Variants in KIAA0319 observed in about 807,000 individuals in gnomAD.
The protein encoded by KIAA0319 is dyslexia-associated protein KIAA0319.
Under a neutral mutation model 108.4 loss-of-function variants are expected in KIAA0319, and 83 were observed. The ratio of observed to expected loss-of-function variants is 0.77; its 90% CI spans 0.64 to 0.92. The LOEUF (loss-of-function observed/expected upper bound fraction) is 0.92. KIAA0319 is among the 40% of genes least tolerant of loss of function. The pLI, the probability that KIAA0319 is intolerant of heterozygous loss-of-function variation, is 0.00. For missense variants in KIAA0319, 1,195 were observed against 1,322.4 expected (o/e 0.90, Z 1.49); for synonymous variants, 484 against 510.4 (o/e 0.95, Z 0.70).
chr6:24,598,769 G>A (rs1459323837), intron 2 of KIAA0319: 8 of 247,894 alleles, frequency 3.2e-5, no homozygotes, highest in African/African-American at 6.8e-5. Flanking sequence ...CCAGCTACTC[G>A]GGAGGCTGAG....
At chr6:24,600,032 C>CAAAA (rs35713930) in intron 2 of KIAA0319, among the ~76,000 whole-genome samples, 1 of 147,884 alleles carries the variant, frequency 6.8e-6, no homozygotes. Context: ...GCCAACTGCC[C>CAAAA]AAAAAAAAAA....
intron 3 of KIAA0319, among the ~76,000 whole-genome samples, chr6:24,593,454 G>A (rs1768846540): frequency 7.0e-6 from 1 of 142,150 alleles, no homozygotes. Flanking sequence ...GTGCAGTGGT[G>A]CGATCTCGGC....
In KIAA0319 at chr6:24,546,871, CGTT is replaced by C. The variant is rs1050085437; in HGVS notation, c.*291_*293del. 1 of 271,632 alleles carries C rather than the reference CGTT, an allele frequency of 3.7e-6. No individual in the cohort carries two copies. The highest frequency in any genetic ancestry group is 7.1e-6 in the Non-Finnish European group (1 of 141,212). The allele number at this position is 271,632 out of a possible 1,614,324, so 16.8% of individuals were successfully genotyped here. A position where few individuals can be genotyped will look rare whatever the true frequency, so the allele number is the denominator to read the frequency against. ...TCTCTAAGGTTCTACAGATAGAAAT[CGTT>C]GTTCATCTTTAATATGAGATTGTGC... is the stretch of plus-strand genomic sequence containing the variant. On this transcript the variant is annotated 3_prime_UTR_variant, in exon 21 of 21. Coordinates refer to ENST00000378214, the MANE Select transcript of KIAA0319 (RefSeq NM_014809.4).
At chr6:24,595,739 G>C in intron 3 of KIAA0319, 134 bp downstream of exon 3, 2 of 900,664 alleles carry the variant, frequency 2.2e-6, no homozygotes, top group Non-Finnish European at 3.3e-6. Context: ...CACCACCTGA[G>C]ACAGGTGCCC....
chr6:24,631,553 A>G (rs566572720), intron 1 of KIAA0319, among the ~76,000 whole-genome samples: 56 of 152,386 alleles, frequency 3.7e-4, no homozygotes, highest in African/African-American at 1.3e-3. Flanking sequence ...GTATTACAAC[A>G]TAACACCACA....
chr6:24,548,994 G>A (rs1270319850), intron 20 of KIAA0319, among the ~76,000 whole-genome samples: 2 of 152,060 alleles, frequency 1.3e-5, no homozygotes, highest in Non-Finnish European at 2.9e-5. Context: ...GGGGCATTTG[G>A]GTGGTGATCG....
intron 20 of KIAA0319, 126 bp from the exon 21 acceptor site, chr6:24,547,469 C>CA: frequency 1.3e-6 from 1 of 769,836 alleles, no homozygotes; most frequent in Admixed American, 2.7e-5. Context: ...AGCAATCACT[C>CA]AAAACAGCAG....
At chr6:24,617,995 A>G (rs1452698855) in intron 1 of KIAA0319, among the ~76,000 whole-genome samples, 2 of 152,098 alleles carry the variant, frequency 1.3e-5, no homozygotes. Flanking sequence ...TCAAAGGAAA[A>G]TGAAAATAAA....
At chr6:24,591,456 T>TA (rs1356395985) in intron 3 of KIAA0319, among the ~76,000 whole-genome samples, 1 of 151,516 alleles carries the variant, frequency 6.6e-6, no homozygotes, top group Non-Finnish European at 1.5e-5. Context: ...AAAATAAAAA[T>TA]AAAAAAAATT....
intron 5 of KIAA0319, among the ~76,000 whole-genome samples, chr6:24,582,822 G>A (rs1360186670): frequency 1.3e-5 from 2 of 152,048 alleles, no homozygotes; most frequent in African/African-American, 4.8e-5. Flanking sequence ...ATCTGTTGTA[G>A]GGGTTTATTT....
chr6:24,584,545 G>C (rs545412382), intron 4 of KIAA0319, among the ~76,000 whole-genome samples: 2 of 151,100 alleles, frequency 1.3e-5, no homozygotes, highest in African/African-American at 2.4e-5. Context: ...TCAGTCCCTC[G>C]AGTGCCTCCT....
At chr6:24,551,114 G>C (rs928734120) in intron 20 of KIAA0319, among the ~76,000 whole-genome samples, 2 of 151,534 alleles carry the variant, frequency 1.3e-5, no homozygotes, top group African/African-American at 4.8e-5. Flanking sequence ...GAATAGCTGG[G>C]ACTACAGGCG....
At chr6:24,569,395 C>A (rs913123102) in intron 12 of KIAA0319, among the ~76,000 whole-genome samples, 1 of 152,196 alleles carries the variant, frequency 6.6e-6, no homozygotes, top group Non-Finnish European at 1.5e-5. Flanking sequence ...AGCTCTTTCT[C>A]TTACTATCTG....
chr6:24,579,762 G>A, intron 8 of KIAA0319, 96 bp downstream of exon 8: 1 of 889,944 alleles, frequency 1.1e-6, no homozygotes, highest in Non-Finnish European at 1.7e-6. Context: ...CAAAGTAACA[G>A]CCCATAAGTC....
intron 3 of KIAA0319, among the ~76,000 whole-genome samples, chr6:24,592,688 C>T (rs1049742517): frequency 2.6e-5 from 4 of 152,110 alleles, no homozygotes; most frequent in Non-Finnish European, 4.4e-5. Context: ...AGCATGTTAT[C>T]GGTGGGGCAA....
chr6:24,595,231 T>C (rs1000622534), intron 3 of KIAA0319, among the ~76,000 whole-genome samples: 1 of 152,118 alleles, frequency 6.6e-6, no homozygotes, highest in Non-Finnish European at 1.5e-5. Flanking sequence ...GGGACTTCTA[T>C]ACCATCTCCC....
intron 17 of KIAA0319, among the ~76,000 whole-genome samples, chr6:24,558,384 GATA>G (rs1762615441): frequency 6.6e-6 from 1 of 152,020 alleles, no homozygotes; most frequent in South Asian, 2.1e-4. Flanking sequence ...TAGATAGATA[GATA>G]GATAGATAGA....
chr6:24,576,966 A>G lies in KIAA0319; in HGVS notation c.1506-370T>C, dbSNP rs141263984. Among the ~76,000 whole-genome samples, 105 of 152,264 alleles carry G rather than the reference A, an allele frequency of 6.9e-4. No individual in the cohort carries two copies. In the East Asian group the frequency reaches 0.02, roughly 29 times the overall value. ...AAAAAGAAAAAAAGTAGACAAAAAA[A>G]TAATATGCCAAATCTCAAGGTAAAC... On this transcript the variant is annotated intron_variant, in intron 9 of 20. Coordinates refer to ENST00000378214, the MANE Select transcript of KIAA0319 (RefSeq NM_014809.4).
At chr6:24,556,117 A>G (rs1762251505) in intron 18 of KIAA0319, among the ~76,000 whole-genome samples, 1 of 152,066 alleles carries the variant, frequency 6.6e-6, no homozygotes, top group Admixed American at 6.6e-5. Context: ...AGCTAGGCAG[A>G]TAGTTCTCTT....
Sources: allele counts gnomAD v4.1 joint callset (sites outside exome capture counted in the v4.1 genomes callset), GRCh38; gene constraint gnomAD v4.1.1; transcripts MANE v1.5; gene names NCBI Gene and HGNC (gene_info 2026-07-23, HGNC 2026-07-21).